The following SERINC5 variants were observed in gnomAD, a reference collection of about 807,000 sequenced individuals.
SERINC5 encodes the protein serine incorporator 5, also known as chromosome 5 open reading frame 12.
In SERINC5, 41 loss-of-function variants were observed where a neutral mutation model predicts 63.1. The observed-to-expected ratio is 0.65, with a 90% confidence interval of 0.51 to 0.84. The LOEUF (loss-of-function observed/expected upper bound fraction) is 0.84. SERINC5 is among the 40% of genes least tolerant of loss of function. SERINC5 has a pLI of 0.00. For missense variants in SERINC5, 523 were observed against 573.0 expected, an observed-to-expected ratio of 0.91 and a Z score of 0.89; for synonymous variants, 222 against 215.2, an observed-to-expected ratio of 1.03 and a Z score of -0.28.
At chr5:80,116,178 C>T (rs1744315786) in intron 11 of SERINC5, 2 of 400,042 alleles carry the variant, frequency 5.0e-6, no homozygotes, top group Non-Finnish European at 9.8e-6. Context: ...TGTCTCTCTT[C>T]CCTGGAGAAA....
chr5:80,185,742 A>G (rs1327830196), intron 2 of SERINC5, among the ~76,000 whole-genome samples: 2 of 152,070 alleles, frequency 1.3e-5, no homozygotes, highest in African/African-American at 4.8e-5. Context: ...TTGACCCCGG[A>G]TGAGTCAGGA....
Position 80,141,581 on chromosome 5 carries a change from T to A in SERINC5, c.*2082A>T. 1.0e-6 allele frequency: 1 copy of A among 985,544 alleles called. No individual in the cohort carries two copies. The highest frequency in any genetic ancestry group is 1.2e-6 in the Non-Finnish European group (1 of 830,038). 61.0% of individuals were successfully genotyped at this position (985,544 alleles called of 1,614,324 possible). Reference sequence around the variant, plus strand: ...TAGTCACAATACTGCCCAGGCTCTTTACCTGCTTCCCCTCAGGGTGTTTCC... The same window carrying A: ...TAGTCACAATACTGCCCAGGCTCTTAACCTGCTTCCCCTCAGGGTGTTTCC... On this transcript the variant is annotated 3_prime_UTR_variant, in exon 12 of 12. Transcript: ENST00000507668.
chr5:80,131,014 T>C (rs1744925265), intron 11 of SERINC5, among the ~76,000 whole-genome samples: 1 of 152,132 alleles, frequency 6.6e-6, no homozygotes, highest in Non-Finnish European at 1.5e-5. Context: ...GAGAGTGAAA[T>C]CTTACATAGA....
At chr5:80,116,652 G>C (rs766742770) in intron 11 of SERINC5, among the ~76,000 whole-genome samples, 2 of 151,982 alleles carry the variant, frequency 1.3e-5, no homozygotes, top group Non-Finnish European at 2.9e-5. Flanking sequence ...CCTGAGATAG[G>C]CAGAGCTCTG....
chr5:80,229,050 T>TGGGGGCGGGG (rs1174325559), intron 1 of SERINC5, among the ~76,000 whole-genome samples: 4 of 94,164 alleles, frequency 4.2e-5, no homozygotes, highest in East Asian at 6.9e-4. Context: ...TTTTTTTTTT[T>TGGGGGCGGGG]GGGGATGGAG....
chr5:80,217,045 T>G lies in SERINC5; in HGVS notation c.28-13992A>C, dbSNP rs74738539. On this transcript the variant is annotated intron_variant, in intron 1 of 11. Transcript: ENST00000507668. ...AAATAAAATAAAATACAGTAAAAAC[T>G]CGTTTCATTTATAAAGTAAGTTTGA... 1.7e-3 allele frequency among the ~76,000 whole-genome samples: 260 copies of G among 152,232 alleles called. 11 individuals carry two copies. In the East Asian group the frequency reaches 0.048, roughly 28 times the overall value.
intron 1 of SERINC5, among the ~76,000 whole-genome samples, chr5:80,250,583 C>T (rs1752366482): frequency 6.6e-6 from 1 of 152,242 alleles, no homozygotes; most frequent in Non-Finnish European, 1.5e-5. Context: ...ACCTGAGCCT[C>T]CCAAAGTGCT....
chr5:80,144,038 C>G (rs2112296303), intron 11 of SERINC5, among the ~76,000 whole-genome samples: 1 of 152,258 alleles, frequency 6.6e-6, no homozygotes, highest in African/African-American at 2.4e-5. Context: ...AGCCCACCCC[C>G]CGCATTCACC....
intron 8 of SERINC5, among the ~76,000 whole-genome samples, chr5:80,152,683 G>C (rs1746263057): frequency 6.6e-6 from 1 of 152,214 alleles, no homozygotes; most frequent in Non-Finnish European, 1.5e-5. Context: ...GTTCACGCCT[G>C]TAATCCCAGC....
In SERINC5 at chr5:80,149,964, G is replaced by A. The variant is rs559972354; in HGVS notation, c.1053+918C>T. On this transcript the variant is annotated intron_variant, in intron 9 of 11. Coordinates refer to ENST00000507668, the MANE Select transcript of SERINC5 (RefSeq NM_001174072.3). ...TTAAGAAAATAACAGACATTTTGTT[G>A]ACTGATAGGCATCTGCTGAACACCT... 2.0e-5 allele frequency among the ~76,000 whole-genome samples: 3 copies of A among 152,278 alleles called. 1 individual carries two copies. The South Asian group carries it at 6.2e-4, about 32-fold the overall frequency.
At chr5:80,168,452 C>T (rs1747445619) in intron 6 of SERINC5, among the ~76,000 whole-genome samples, 1 of 152,150 alleles carries the variant, frequency 6.6e-6, no homozygotes, top group South Asian at 2.1e-4. Flanking sequence ...CTGCCTGCCT[C>T]AGCCTCCCAA....
rs1268524373 is a variant in SERINC5 at position 80,170,807 on chromosome 5, G to A, written c.552-1261C>T. Among the ~76,000 whole-genome samples, 4 of 152,250 alleles carry A rather than the reference G, an allele frequency of 2.6e-5. No individual in the cohort carries two copies. In the South Asian group the frequency reaches 8.3e-4, roughly 32 times the overall value. ...GAGGCAGGTGAATCACTTGAAGCTAGGAGCTCAAGACCAGCCTGGGCAACA... is the reference window on the plus strand; with the variant it reads ...GAGGCAGGTGAATCACTTGAAGCTAAGAGCTCAAGACCAGCCTGGGCAACA... On this transcript the variant is annotated intron_variant, in intron 5 of 11. Transcript: ENST00000507668.
chr5:80,214,009 G>A (rs1026746734), intron 1 of SERINC5, among the ~76,000 whole-genome samples: 21 of 152,158 alleles, frequency 1.4e-4, no homozygotes, highest in African/African-American at 4.8e-4. Flanking sequence ...TAATACATGT[G>A]GTTTAAGAGA....
At chr5:80,159,966 A>C (rs1165399615) in intron 7 of SERINC5, among the ~76,000 whole-genome samples, 1 of 152,200 alleles carries the variant, frequency 6.6e-6, no homozygotes, top group Non-Finnish European at 1.5e-5. Flanking sequence ...TAAATCAGTA[A>C]AGATAAGTAT....
intron 2 of SERINC5, 92 bp downstream of exon 2, chr5:80,202,794 G>T (rs1580162147): frequency 1.6e-6 from 2 of 1,289,178 alleles, no homozygotes; most frequent in East Asian, 4.9e-5. Context: ...AAACACATGG[G>T]GGTACATGGA....
chr5:80,125,264 C>T (rs142929858), intron 11 of SERINC5, among the ~76,000 whole-genome samples: 5 of 152,320 alleles, frequency 3.3e-5, no homozygotes, highest in Admixed American at 6.5e-5. Flanking sequence ...ACCACATAAA[C>T]GAACAATTAC....
intron 8 of SERINC5, among the ~76,000 whole-genome samples, chr5:80,151,959 A>C (rs1021533394): frequency 1.3e-5 from 2 of 152,206 alleles, no homozygotes; most frequent in South Asian, 4.1e-4. Flanking sequence ...TCCCAAGGAG[A>C]GAGATCAATG....
chr5:80,166,679 A>T (rs1747324381), intron 6 of SERINC5: 2 of 446,372 alleles, frequency 4.5e-6, no homozygotes, highest in South Asian at 4.6e-5. Flanking sequence ...GCTGAACTGA[A>T]CATTGCTACT....
In SERINC5 at chr5:80,216,746, C is replaced by T. The variant is rs548982754; in HGVS notation, c.28-13693G>A. On this transcript the variant is annotated intron_variant, in intron 1 of 11. Transcript: ENST00000507668. ...AGTTTTAGGGCTGGGCACAGTGGCT[C>T]CTGCCTGTAATCCCAGCACTTTGGG... Among the ~76,000 whole-genome samples, 28 of 152,208 alleles carry T rather than the reference C, an allele frequency of 1.8e-4. 1 individual carries two copies. The East Asian group carries it at 2.1e-3, about 12-fold the overall frequency.
Sources: allele counts gnomAD v4.1 joint callset (sites outside exome capture counted in the v4.1 genomes callset), GRCh38; gene constraint gnomAD v4.1.1; transcripts MANE v1.5; gene names NCBI Gene and HGNC (gene_info 2026-07-23, HGNC 2026-07-21).